The following DYM variants were observed in gnomAD, a reference collection of about 807,000 sequenced individuals.
DYM encodes the protein dymeclin.
Under a neutral mutation model 93.1 loss-of-function variants are expected in DYM, and 78 were observed. That is an observed-to-expected ratio of 0.84 (90% CI 0.70 to 1.01). The LOEUF (loss-of-function observed/expected upper bound fraction) is 1.01, where lower values mean the gene tolerates loss of function less well. DYM is among the 50% of genes least tolerant of loss of function. The pLI, the probability that DYM is intolerant of heterozygous loss-of-function variation, is 0.00. For missense variants in DYM, 789 were observed against 845.0 expected (o/e 0.93, Z 0.82); for synonymous variants, 321 against 319.7 (o/e 1.00, Z -0.04).
intron 8 of DYM, among the ~76,000 whole-genome samples, chr18:49,294,431 ATTCT>A (rs917326857): frequency 5.6e-4 from 85 of 152,242 alleles, no homozygotes; most frequent in African/African-American, 2.0e-3. Flanking sequence ...CACAATATTG[ATTCT>A]TTCTATCCAT....
At chr18:49,347,647 G>A (rs1030676894) in intron 6 of DYM, among the ~76,000 whole-genome samples, 4 of 151,996 alleles carry the variant, frequency 2.6e-5, no homozygotes, top group East Asian at 3.8e-4. Context: ...ATTTCCTCCC[G>A]TAACTTTCTA....
At chr18:49,255,002 A>G (rs2094362005) in intron 13 of DYM, among the ~76,000 whole-genome samples, 1 of 152,234 alleles carries the variant, frequency 6.6e-6, no homozygotes, top group Non-Finnish European at 1.5e-5. Context: ...ATGTCAGTCA[A>G]CTAGATGATC....
intron 1 of DYM, among the ~76,000 whole-genome samples, chr18:49,435,351 T>C (rs938276711): frequency 7.2e-5 from 11 of 151,892 alleles, no homozygotes; most frequent in Middle Eastern, 3.4e-3. Flanking sequence ...ATGTTGTTAT[T>C]GTATTATTTA....
At position 49,038,928 on chromosome 18, in the gene DYM, TTTTA is replaced by T. The variant is rs1380205957; in HGVS notation, c.*5123_*5126del. Among the ~76,000 whole-genome samples the T allele has an allele frequency of 7.2e-5, 11 of 152,190 alleles. No homozygotes were observed. Among genetic ancestry groups the T allele is most frequent in the South Asian group, 2.1e-4 (1 of 4,830 alleles). On this transcript the variant is annotated 3_prime_UTR_variant, in exon 18 of 18. Transcript: ENST00000675505. ...ACATAAATCCTTTCATTTTCATACA[TTTTA>T]TTTCTCTATATATTTAAAACTCCAT... is the stretch of plus-strand genomic sequence containing the variant.
chr18:49,334,301 A>G (rs1037646082), intron 6 of DYM, among the ~76,000 whole-genome samples: 1 of 152,218 alleles, frequency 6.6e-6, no homozygotes, highest in Non-Finnish European at 1.5e-5. Context: ...AATCAGAACA[A>G]TAATACACCC....
intron 11 of DYM, among the ~76,000 whole-genome samples, chr18:49,259,219 G>T (rs1598954481): frequency 6.6e-6 from 1 of 152,124 alleles, no homozygotes; most frequent in Non-Finnish European, 1.5e-5. Context: ...AATGCAGAGG[G>T]GGGAACCCAC....
At chr18:49,122,362 C>G (rs1187697679) in intron 15 of DYM, among the ~76,000 whole-genome samples, 3 of 151,946 alleles carry the variant, frequency 2.0e-5, no homozygotes, top group Admixed American at 1.3e-4. Context: ...TTAAAACTCA[C>G]TACCTGAAAG....
At chr18:49,157,057 G>A (rs2086541061) in intron 15 of DYM, among the ~76,000 whole-genome samples, 1 of 152,050 alleles carries the variant, frequency 6.6e-6, no homozygotes, top group South Asian at 2.1e-4. Context: ...TGGGGCTCCT[G>A]GACATGCCTG....
In DYM at chr18:49,185,976, G is replaced by A. The variant is rs118008964; in HGVS notation, c.1626-22189C>T. On this transcript the variant is annotated intron_variant, in intron 14 of 17. Transcript: ENST00000675505. ...TGTTTAGTTTTTAAAGGATTATTACGATGTGTCACTTTCAAAACTCAGGAT... is the reference window on the plus strand; with the variant it reads ...TGTTTAGTTTTTAAAGGATTATTACAATGTGTCACTTTCAAAACTCAGGAT... Among the ~76,000 whole-genome samples the A allele has an allele frequency of 6.0e-4, 91 of 152,140 alleles. No individual in the cohort carries two copies. In the East Asian group the frequency reaches 0.016, roughly 27 times the overall value.
chr18:49,069,606 T>C (rs1747180080), intron 17 of DYM, among the ~76,000 whole-genome samples: 1 of 152,106 alleles, frequency 6.6e-6, no homozygotes, highest in Non-Finnish European at 1.5e-5. Context: ...GTAAGACTCA[T>C]GTGTGTTGTT....
chr18:49,278,415 A>AGCTTATGATATGTT (rs1211623151), intron 10 of DYM, among the ~76,000 whole-genome samples: 6 of 152,222 alleles, frequency 3.9e-5, no homozygotes, highest in African/African-American at 1.4e-4. Flanking sequence ...AGAAATTAAA[A>AGCTTATGATATGTT]GAGTGACTAA....
At chr18:49,270,546 T>A (rs1294610663) in intron 11 of DYM, among the ~76,000 whole-genome samples, 1 of 152,120 alleles carries the variant, frequency 6.6e-6, no homozygotes, top group Admixed American at 6.6e-5. Flanking sequence ...ATTCAGGATT[T>A]TTGCCAAAGG....
At chr18:49,450,707 T>TA (rs1321195140) in intron 1 of DYM, among the ~76,000 whole-genome samples, 1 of 152,204 alleles carries the variant, frequency 6.6e-6, no homozygotes, top group Non-Finnish European at 1.5e-5. Flanking sequence ...TTTTGGTGAA[T>TA]AATACTAATA....
At chr18:49,145,864 T>C (rs1336815561) in intron 15 of DYM, among the ~76,000 whole-genome samples, 2 of 152,170 alleles carry the variant, frequency 1.3e-5, no homozygotes, top group African/African-American at 4.8e-5. Context: ...ATGTGGTCTA[T>C]TTTACTTGTT....
chr18:49,106,144 A>T (rs910627731), intron 16 of DYM, among the ~76,000 whole-genome samples: 87 of 152,096 alleles, frequency 5.7e-4, no homozygotes, highest in East Asian at 2.7e-3. Flanking sequence ...GTTGAATTGA[A>T]CCCTTTACCA....
At chr18:49,121,914 G>GTATT (rs2082415391) in intron 15 of DYM, among the ~76,000 whole-genome samples, 1 of 152,208 alleles carries the variant, frequency 6.6e-6, no homozygotes, top group African/African-American at 2.4e-5. Context: ...AATATTAAAG[G>GTATT]TATTTCTTCA....
At chr18:49,369,961 C>T (rs763261767) in intron 5 of DYM, among the ~76,000 whole-genome samples, 1 of 152,166 alleles carries the variant, frequency 6.6e-6, no homozygotes, top group Non-Finnish European at 1.5e-5. Flanking sequence ...GCCCACTGGG[C>T]CACAGGTGGT....
At chr18:49,286,644 G>A (rs761249431) in intron 8 of DYM, 28 bp from the exon 9 acceptor site, 4 of 1,606,428 alleles carry the variant, frequency 2.5e-6, no homozygotes, top group South Asian at 2.2e-5. Context: ...CTGTTAGGAT[G>A]TGCTGCCACC....
At chr18:49,151,611 C>A (rs1339977292) in intron 15 of DYM, among the ~76,000 whole-genome samples, 1 of 152,176 alleles carries the variant, frequency 6.6e-6, no homozygotes, top group Non-Finnish European at 1.5e-5. Context: ...AGAAATCATT[C>A]ATCCCACATA....
Sources: gnomAD v4.1 joint callset for allele counts (sites outside exome capture counted in the v4.1 genomes callset) on GRCh38, gnomAD v4.1.1 for gene constraint, MANE v1.5 for transcripts, NCBI Gene and HGNC (gene_info 2026-07-23, HGNC 2026-07-21) for gene names.